The following NEURL1B variants were observed in gnomAD, a reference collection of about 807,000 sequenced individuals.
NEURL1B encodes the protein neuralized E3 ubiquitin protein ligase 1B.
A neutral mutation model predicts 37.4 loss-of-function variants in NEURL1B; 13 were observed. That is an observed-to-expected ratio of 0.35 (90% CI 0.23 to 0.55). The LOEUF (loss-of-function observed/expected upper bound fraction) is 0.55, where lower values mean the gene tolerates loss of function less well. NEURL1B is among the 20% of genes least tolerant of loss of function. NEURL1B has a pLI of 0.89. For missense variants in NEURL1B, 790 were observed against 879.2 expected (o/e 0.90, Z 1.28); for synonymous variants, 432 against 426.6 (o/e 1.01, Z -0.16).
At chr5:172,660,240 G>A (rs891455001) in intron 1 of NEURL1B, among the ~76,000 whole-genome samples, 2 of 152,208 alleles carry the variant, frequency 1.3e-5, no homozygotes, top group African/African-American at 2.4e-5. Flanking sequence ...CAGGGGGCCC[G>A]GCAGAGGGTC....
chr5:172,673,082 G>A (rs1758162463), intron 2 of NEURL1B, among the ~76,000 whole-genome samples: 1 of 152,140 alleles, frequency 6.6e-6, no homozygotes, highest in South Asian at 2.1e-4. Context: ...TCTGGGTAAA[G>A]GGATTATGAG....
At chr5:172,679,363 T>C (rs1758301028) in intron 2 of NEURL1B, among the ~76,000 whole-genome samples, 1 of 152,254 alleles carries the variant, frequency 6.6e-6, no homozygotes, top group African/African-American at 2.4e-5. Context: ...CATCAGGGTA[T>C]GGAGCTGCGT....
rs1447882519 is a variant in NEURL1B, at chr5:172,689,210, G to A, written c.*2285G>A. 1 of 152,212 alleles carries A rather than the reference G, an allele frequency of 6.6e-6. No individual in the cohort carries two copies. The highest frequency in any genetic ancestry group is 1.5e-5 in the Non-Finnish European group (1 of 68,034). The allele number at this position is 152,212 out of a possible 1,614,324, so 9.4% of individuals were successfully genotyped here. A position where few individuals can be genotyped will look rare whatever the true frequency, so the allele number is the denominator to read the frequency against. On this transcript the variant is annotated 3_prime_UTR_variant, in exon 5 of 5. Coordinates refer to ENST00000369800, the MANE Select transcript of NEURL1B (RefSeq NM_001142651.3). Reference sequence around the variant, plus strand: ...AGTGTTTATCTTCTAAAAACCAGACGTTTCCTGATGCTCTGAGCGTTACTC... The same window carrying A: ...AGTGTTTATCTTCTAAAAACCAGACATTTCCTGATGCTCTGAGCGTTACTC...
rs560510342 is a variant in NEURL1B, at chr5:172,656,614, T to C, written c.32-13171T>C. 1.4e-5 allele frequency: 23 copies of C among 1,610,386 alleles called. No individual in the cohort carries two copies. In the Admixed American group the frequency reaches 2.2e-4, roughly 15 times the overall value. ...TCCTCGAGTTTCTTCTGCTCCTCTT[T>C]TTGTTTCTGCTTGAAAGCCTTATCT... On this transcript the variant is annotated intron_variant, in intron 1 of 4. Transcript: ENST00000369800.
At chr5:172,659,953 A>C (rs1757863594) in intron 1 of NEURL1B, among the ~76,000 whole-genome samples, 1 of 152,154 alleles carries the variant, frequency 6.6e-6, no homozygotes. Flanking sequence ...CACCCTGTGC[A>C]GTCATGGGGT....
chr5:172,643,269 C>T (rs1200001591), intron 1 of NEURL1B, among the ~76,000 whole-genome samples: 3 of 152,188 alleles, frequency 2.0e-5, no homozygotes, highest in Non-Finnish European at 4.4e-5. Context: ...TCCTGAGTCA[C>T]ATCGGGTGGC....
Position 172,688,317 on chromosome 5 carries a change from C to T in NEURL1B, c.*1392C>T, listed in dbSNP as rs1300048579. The T allele has an allele frequency of 6.5e-6, 1 of 152,764 alleles. No homozygotes were observed. The highest frequency in any genetic ancestry group is 1.5e-5 in the Non-Finnish European group (1 of 68,106). The allele number at this position is 152,764 out of a possible 1,614,324, so 9.5% of individuals were successfully genotyped here. Reference sequence around the variant, plus strand: ...ATTAGAAGTCTAGAACCTGACAACTCCAGGAGTTCTTGGGAGGACCAGTAC... The same window carrying T: ...ATTAGAAGTCTAGAACCTGACAACTTCAGGAGTTCTTGGGAGGACCAGTAC... On this transcript the variant is annotated 3_prime_UTR_variant, in exon 5 of 5. Transcript: ENST00000369800. The surrounding 1 kb of genome is among the most constrained non-coding windows in gnomAD (Gnocchi z 4.3).
In NEURL1B at chr5:172,641,311, C is replaced by G; in HGVS notation, c.-96C>G. The stretch of plus-strand genomic sequence containing the variant: ...GCTCGCCCGTGCAGCTGCGATGCCC[C>G]GGAGCGTCGACCCCGGTCCTGGTCC... On this transcript the variant is annotated 5_prime_UTR_variant, in exon 1 of 5. Coordinates refer to ENST00000369800, the MANE Select transcript of NEURL1B (RefSeq NM_001142651.3). This position sits in a 1 kb window ranked among gnomAD's most constrained non-coding sequence, Gnocchi z 6.4. 1 of 1,117,420 alleles carries G rather than the reference C, an allele frequency of 8.9e-7. No homozygotes were observed. The highest frequency in any genetic ancestry group is 1.1e-6 in the Non-Finnish European group (1 of 884,860). 69.2% of individuals were successfully genotyped at this position (1,117,420 alleles called of 1,614,324 possible).
Position 172,684,058 on chromosome 5 carries a change from T to G in NEURL1B, c.1217T>G (p.Leu406Arg). 3 of 1,326,312 alleles carry G rather than the reference T, an allele frequency of 2.3e-6. No homozygotes were observed. Among genetic ancestry groups the G allele is most frequent in the Non-Finnish European group, 2.9e-6 (3 of 1,036,494 alleles). 82.2% of individuals were successfully genotyped at this position (1,326,312 alleles called of 1,614,324 possible). ...ATCAACGGGCGTCCGCGCGGCCGCC[T>G]GCTGTGCGTCGACACCACGCAGGCG... ...LGINGRPRGR[L>R]LCVDTTQALW... Residue 406 changes from leucine (L) to arginine (R), a missense_variant, in exon 3 of 5, where the codon CTG (leucine) becomes CGG (arginine). Physicochemically the swap from Leu to Arg is moderately radical, Grantham distance 102. This residue lies in a region of NEURL1B where 460 missense variants were observed against 407.4 expected (regional missense o/e 1.13). Transcript: ENST00000369800.
chr5:172,655,742 T>A (rs1231899270), intron 1 of NEURL1B, among the ~76,000 whole-genome samples: 2 of 151,404 alleles, frequency 1.3e-5, no homozygotes, highest in Non-Finnish European at 2.9e-5. Flanking sequence ...TTTTTTTTTT[T>A]CCCTCTGCAT....
chr5:172,671,776 T>C (rs1287954006), intron 2 of NEURL1B, among the ~76,000 whole-genome samples: 2 of 152,270 alleles, frequency 1.3e-5, no homozygotes, highest in Non-Finnish European at 2.9e-5. Context: ...TTCTTGATCC[T>C]CTACCTCATC....
chr5:172,642,084 G>A (rs1757473453), intron 1 of NEURL1B, among the ~76,000 whole-genome samples: 1 of 152,248 alleles, frequency 6.6e-6, no homozygotes, highest in South Asian at 2.1e-4. Flanking sequence ...GGGATCCGGA[G>A]CAGGTTAACG....
chr5:172,686,408 C>T lies in NEURL1B; in HGVS notation c.1423+112C>T, dbSNP rs1482912088. ...CAGGGTGGCCGCCTTTCCCCCGCAT[C>T]CTCTCCTTCCCTCAGCTGTATGCTC... On this transcript the variant is annotated intron_variant, in intron 4 of 4. Transcript: ENST00000369800. This position sits in a 1 kb window ranked among gnomAD's most constrained non-coding sequence, Gnocchi z 7.9. 3.6e-6 allele frequency: 4 copies of T among 1,124,568 alleles called. No homozygotes were observed. The highest frequency in any genetic ancestry group is 5.1e-5 in the East Asian group (2 of 38,908). 69.7% of individuals were successfully genotyped at this position (1,124,568 alleles called of 1,614,324 possible). A position where few individuals can be genotyped will look rare whatever the true frequency, so the allele number is the denominator to read the frequency against.
intron 1 of NEURL1B, among the ~76,000 whole-genome samples, chr5:172,655,451 G>A (rs559790890): frequency 1.3e-5 from 2 of 152,210 alleles, no homozygotes; most frequent in East Asian, 3.9e-4. Flanking sequence ...TGGTGTGCTG[G>A]TATAAATCCT....
intron 2 of NEURL1B, among the ~76,000 whole-genome samples, chr5:172,679,082 G>C (rs374632857): frequency 6.6e-6 from 1 of 152,244 alleles, no homozygotes; most frequent in African/African-American, 2.4e-5. Flanking sequence ...CATTAGGCCC[G>C]TGGAGACTGA....
At chr5:172,678,585 G>A (rs1276498325) in intron 2 of NEURL1B, among the ~76,000 whole-genome samples, 3 of 149,292 alleles carry the variant, frequency 2.0e-5, no homozygotes, top group Admixed American at 2.0e-4. Flanking sequence ...GCCATTGGCA[G>A]TAAGTGACAC....
chr5:172,691,447 TTG>T lies in NEURL1B; in HGVS notation c.*4528_*4529del, dbSNP rs1758657391. The T allele has an allele frequency of 6.6e-6, 1 of 152,222 alleles. No individual in the cohort carries two copies. 9.4% of individuals were successfully genotyped at this position (152,222 alleles called of 1,614,324 possible). On this transcript the variant is annotated 3_prime_UTR_variant, in exon 5 of 5. Coordinates refer to ENST00000369800, the MANE Select transcript of NEURL1B (RefSeq NM_001142651.3). ...GTCTTGAGTGTTGTGCTTTTCTGTGTTGTGTGTTTTGATTTTTGTCTTTTTAT... is the reference window on the plus strand; with the variant it reads ...GTCTTGAGTGTTGTGCTTTTCTGTGTTGTGTTTTGATTTTTGTCTTTTTAT...
chr5:172,685,708 A>G (rs1171286321), intron 3 of NEURL1B, among the ~76,000 whole-genome samples: 1 of 152,206 alleles, frequency 6.6e-6, no homozygotes, highest in Non-Finnish European at 1.5e-5. Flanking sequence ...CTGTGTTGGC[A>G]TCACTCTCAG....
At chr5:172,656,718 C>A in intron 1 of NEURL1B, 1 of 1,107,190 alleles carries the variant, frequency 9.0e-7, no homozygotes, top group Non-Finnish European at 1.4e-6. Context: ...GGACATGGCG[C>A]CTGCCGCCGC....
Sources: allele counts gnomAD v4.1 joint callset (sites outside exome capture counted in the v4.1 genomes callset), GRCh38; gene constraint gnomAD v4.1.1; regional missense constraint gnomAD v4.1.1; non-coding constraint Gnocchi (gnomAD v3.1); transcripts MANE v1.5; gene names NCBI Gene and HGNC (gene_info 2026-07-23, HGNC 2026-07-21).